GALNT17: variants seen among roughly 807,000 people sequenced by gnomAD.
GALNT17 encodes the protein UDP-GalNAc:polypeptide N-acetylgalactosaminyltransferase-like 3.
Under a neutral mutation model 63.7 loss-of-function variants are expected in GALNT17, and 29 were observed. The ratio of observed to expected loss-of-function variants is 0.46; its 90% CI spans 0.34 to 0.62. The LOEUF (loss-of-function observed/expected upper bound fraction) is 0.62, where lower values mean the gene tolerates loss of function less well. Among genes scored for constraint, GALNT17 ranks in the 20% least tolerant of loss-of-function variants. GALNT17 has a pLI of 0.01. For synonymous variants in GALNT17, 305 were observed against 318.3 expected (o/e 0.96, Z 0.45); for missense variants, 603 against 799.6 (o/e 0.75, Z 2.97).
In GALNT17 at chr7:71,369,551, G is replaced by A. The variant is rs1489231494; in HGVS notation, c.423-18684G>A. Reference sequence around the variant, plus strand: ...CTATGTGCCAGGCGTGGTGGCTCACGCCTGTAATCCCAGCACTTTGGGAGG... The same window carrying A: ...CTATGTGCCAGGCGTGGTGGCTCACACCTGTAATCCCAGCACTTTGGGAGG... On this transcript the variant is annotated intron_variant, in intron 2 of 10. Transcript: ENST00000333538. Among the ~76,000 whole-genome samples, 3 of 152,068 alleles carry A rather than the reference G, an allele frequency of 2.0e-5. No homozygotes were observed. In the East Asian group the frequency reaches 5.8e-4, roughly 29 times the overall value.
At chr7:71,700,175 A>G (rs1319869491) in intron 9 of GALNT17, among the ~76,000 whole-genome samples, 1 of 151,730 alleles carries the variant, frequency 6.6e-6, no homozygotes, top group Non-Finnish European at 1.5e-5. Flanking sequence ...AGGCACAGTG[A>G]TGCACACCTG....
intron 5 of GALNT17, among the ~76,000 whole-genome samples, chr7:71,540,720 T>C (rs890727771): frequency 3.3e-5 from 5 of 152,280 alleles, no homozygotes; most frequent in Middle Eastern, 3.4e-3. Context: ...AAGTGTTCTA[T>C]TTAATCCTAG....
chr7:71,342,458 AT>A (rs1397620999), intron 2 of GALNT17, among the ~76,000 whole-genome samples: 14 of 152,170 alleles, frequency 9.2e-5, no homozygotes, highest in African/African-American at 3.1e-4. Flanking sequence ...TCAACATGAG[AT>A]TTGGCTGAGA....
At position 71,677,270 on chromosome 7, in the gene GALNT17, A is replaced by G. The variant is rs1403273224; in HGVS notation, c.1464A>G (p.Thr488=). 2 of 1,614,008 alleles carry G rather than the reference A, an allele frequency of 1.2e-6. No individual in the cohort carries two copies. ...CLDQGPLENH[T]AILYPCHGWG... The stretch of plus-strand genomic sequence containing the variant: ...ACCAGGGGCCGCTGGAGAACCACAC[A>G]GCAATATTGTATCCGTGCCATGGCT... The change falls in exon 9 of 11, where the codon ACA becomes ACG. Residue 488 remains threonine (T), a synonymous_variant. Transcript: ENST00000333538.
intron 1 of GALNT17, among the ~76,000 whole-genome samples, chr7:71,199,587 T>C (rs1209074): frequency 0.32 from 44,414 of 139,624 alleles, 8,662 homozygotes; most frequent in African/African-American, 0.55. Flanking sequence ...TTCTGCTCAT[T>C]AATCCATTCA....
intron 1 of GALNT17, among the ~76,000 whole-genome samples, chr7:71,158,696 A>G (rs1325123710): frequency 6.0e-5 from 9 of 149,516 alleles, no homozygotes; most frequent in Admixed American, 6.0e-4. Flanking sequence ...CCTACCTCAG[A>G]CTCCCGAGTA....
At chr7:71,277,728 A>T (rs1485051454) in intron 1 of GALNT17, among the ~76,000 whole-genome samples, 1 of 152,200 alleles carries the variant, frequency 6.6e-6, no homozygotes, top group Non-Finnish European at 1.5e-5. Context: ...TAGTGAGTAG[A>T]CAGCTGTCCA....
chr7:71,401,730 A>G (rs925809484), intron 3 of GALNT17, among the ~76,000 whole-genome samples: 1 of 152,178 alleles, frequency 6.6e-6, no homozygotes, highest in Non-Finnish European at 1.5e-5. Flanking sequence ...TCTAACGCCT[A>G]TGATCTGTCA....
intron 6 of GALNT17, among the ~76,000 whole-genome samples, chr7:71,621,949 C>A (rs1790301453): frequency 1.3e-5 from 2 of 152,192 alleles, no homozygotes; most frequent in African/African-American, 4.8e-5. Context: ...GAATATCATT[C>A]CTGCATGGAT....
At chr7:71,384,797 C>T (rs1284925955) in intron 2 of GALNT17, among the ~76,000 whole-genome samples, 2 of 152,126 alleles carry the variant, frequency 1.3e-5, no homozygotes, top group Non-Finnish European at 2.9e-5. Flanking sequence ...CTCAGTAGAG[C>T]TCTGATATCA....
intron 1 of GALNT17, among the ~76,000 whole-genome samples, chr7:71,312,226 G>T (rs148507566): frequency 3.3e-5 from 5 of 152,158 alleles, no homozygotes; most frequent in African/African-American, 1.2e-4. Flanking sequence ...CAGGACCTTC[G>T]TGCTACTGTG....
intron 9 of GALNT17, among the ~76,000 whole-genome samples, chr7:71,705,029 G>T (rs997355588): frequency 6.6e-6 from 1 of 152,046 alleles, no homozygotes; most frequent in Non-Finnish European, 1.5e-5. Context: ...TTACCAAAAA[G>T]AAAAACTTTG....
chr7:71,670,890 G>GTT (rs1463796236), intron 8 of GALNT17, among the ~76,000 whole-genome samples: 1 of 82,462 alleles, frequency 1.2e-5, no homozygotes, highest in Non-Finnish European at 4.2e-5. Context: ...CTGTGTGTGT[G>GTT]TGTGTGTGTG....
At chr7:71,256,413 A>T (rs1790290519) in intron 1 of GALNT17, among the ~76,000 whole-genome samples, 1 of 152,162 alleles carries the variant, frequency 6.6e-6, no homozygotes, top group Non-Finnish European at 1.5e-5. Context: ...TCTACAAAAA[A>T]TACAAAAATT....
chr7:71,623,791 G>A (rs975313673), intron 6 of GALNT17, among the ~76,000 whole-genome samples: 4 of 152,142 alleles, frequency 2.6e-5, no homozygotes, highest in Non-Finnish European at 4.4e-5. Context: ...ATCAGCCATG[G>A]TGTGCATGCA....
intron 1 of GALNT17, among the ~76,000 whole-genome samples, chr7:71,298,506 T>G (rs1461397594): frequency 1.3e-5 from 2 of 152,166 alleles, no homozygotes; most frequent in Non-Finnish European, 2.9e-5. Context: ...GACGCGAGTC[T>G]TACACTGTGG....
intron 6 of GALNT17, among the ~76,000 whole-genome samples, chr7:71,577,413 CCA>C (rs1242706408): frequency 6.6e-5 from 10 of 152,096 alleles, no homozygotes; most frequent in Non-Finnish European, 1.5e-4. Flanking sequence ...CTCTCCATTC[CCA>C]GACACACACA....
intron 6 of GALNT17, among the ~76,000 whole-genome samples, chr7:71,600,748 G>A (rs186033930): frequency 9.0e-4 from 95 of 105,400 alleles, no homozygotes; most frequent in South Asian, 2.8e-3. Context: ...TTGTTTGTTT[G>A]TTTGTTTTTT....
intron 9 of GALNT17, among the ~76,000 whole-genome samples, chr7:71,701,870 CATATATATATGTAT>C (rs1791650063): frequency 4.3e-5 from 2 of 46,734 alleles, no homozygotes; most frequent in African/African-American, 1.2e-4. Context: ...TATATATATA[CATATATATATGTAT>C]ATATATATAT....
Sources: allele counts gnomAD v4.1 joint callset (sites outside exome capture counted in the v4.1 genomes callset), GRCh38; gene constraint gnomAD v4.1.1; transcripts MANE v1.5; gene names NCBI Gene and HGNC (gene_info 2026-07-23, HGNC 2026-07-21).